Variants in ERBB4 observed in about 807,000 individuals in gnomAD.
The protein encoded by ERBB4 is receptor tyrosine-protein kinase erbB-4.
ERBB4 carries 42 observed loss-of-function variants against 158.0 expected under a neutral mutation model. That is an observed-to-expected ratio of 0.27 (90% CI 0.21 to 0.34). ERBB4 has a LOEUF of 0.34. ERBB4 is among the 10% of genes least tolerant of loss of function. The pLI, the probability that ERBB4 is intolerant of heterozygous loss-of-function variation, is 1.00. For missense variants in ERBB4, 1,333 were observed against 1,624.1 expected, an observed-to-expected ratio of 0.82 and a Z score of 3.08; for synonymous variants, 583 against 558.7, an observed-to-expected ratio of 1.04 and a Z score of -0.61.
intron 20 of ERBB4, among the ~76,000 whole-genome samples, chr2:211,524,702 A>G (rs1316124752): frequency 7.2e-6 from 1 of 139,772 alleles, no homozygotes. Context: ...GCCCACCCGG[A>G]ACTCCAGCTG....
chr2:212,345,294 C>A (rs2088943848), intron 1 of ERBB4, among the ~76,000 whole-genome samples: 1 of 110,800 alleles, frequency 9.0e-6, no homozygotes, highest in Admixed American at 9.0e-5. Context: ...AACACATTGC[C>A]TAGCATGTAG....
chr2:212,308,371 T>C lies in ERBB4; in HGVS notation c.83-183468A>G, dbSNP rs377265141. On this transcript the variant is annotated intron_variant, in intron 1 of 27. Transcript: ENST00000342788. ...TGTATAACACTTCATATTATTTAGA[T>C]ACTAGTTATAAATGAATGAGTCTGA... is the stretch of plus-strand genomic sequence containing the variant. Among the ~76,000 whole-genome samples the C allele has an allele frequency of 6.0e-5, 9 of 151,250 alleles. No homozygotes were observed. In the South Asian group the frequency reaches 1.0e-3, roughly 17 times the overall value.
intron 1 of ERBB4, among the ~76,000 whole-genome samples, chr2:212,440,609 A>T (rs73079457): frequency 0.016 from 2,467 of 152,276 alleles, 72 homozygotes; most frequent in African/African-American, 0.056. Flanking sequence ...TTCTTTCATC[A>T]GTTTTGGGGT....
intron 1 of ERBB4, among the ~76,000 whole-genome samples, chr2:212,421,667 A>G (rs2091795670): frequency 1.3e-5 from 2 of 152,214 alleles, no homozygotes; most frequent in African/African-American, 4.8e-5. Context: ...TAAGTGGAAG[A>G]AGATGGAAGA....
intron 6 of ERBB4, among the ~76,000 whole-genome samples, chr2:211,723,480 TA>T (rs2074168413): frequency 6.6e-6 from 1 of 152,202 alleles, no homozygotes; most frequent in South Asian, 2.1e-4. Context: ...TGGTTATTAA[TA>T]AGCATTAATT....
intron 16 of ERBB4, among the ~76,000 whole-genome samples, chr2:211,652,544 TATC>T (rs1260390317): frequency 1.3e-5 from 2 of 152,180 alleles, no homozygotes; most frequent in Non-Finnish European, 2.9e-5. Context: ...AAGAATATCA[TATC>T]ATCTCTCTCA....
chr2:211,830,395 G>A (rs2077193863), intron 3 of ERBB4, among the ~76,000 whole-genome samples: 1 of 151,822 alleles, frequency 6.6e-6, no homozygotes, highest in Non-Finnish European at 1.5e-5. Context: ...ATAACTAATG[G>A]GCTCTTTCCT....
At chr2:212,443,950 T>C (rs1442688341) in intron 1 of ERBB4, among the ~76,000 whole-genome samples, 1 of 152,194 alleles carries the variant, frequency 6.6e-6, no homozygotes, top group Non-Finnish European at 1.5e-5. Flanking sequence ...CTGGGTGCTT[T>C]CTGACCCATC....
At chr2:212,354,965 G>T (rs926213035) in intron 1 of ERBB4, among the ~76,000 whole-genome samples, 10 of 151,884 alleles carry the variant, frequency 6.6e-5, no homozygotes, top group African/African-American at 2.4e-4. Flanking sequence ...TAAGGCCCAA[G>T]TCCCTGTCCT....
chr2:211,547,312 G>T (rs1171747330), intron 20 of ERBB4, among the ~76,000 whole-genome samples: 1 of 152,098 alleles, frequency 6.6e-6, no homozygotes, highest in Non-Finnish European at 1.5e-5. Context: ...GTGGAAGTAA[G>T]TTAATCTGTG....
At position 212,439,838 on chromosome 2, in the gene ERBB4, T is replaced by C. The variant is rs148516138; in HGVS notation, c.82+98611A>G. On this transcript the variant is annotated intron_variant, in intron 1 of 27. Transcript: ENST00000342788. ...AAAAATATAAGAAGCCCTGTATAAATGGCCCTGAAATTTATTAAAAATGAG... is the reference window on the plus strand; with the variant it reads ...AAAAATATAAGAAGCCCTGTATAAACGGCCCTGAAATTTATTAAAAATGAG... Among the ~76,000 whole-genome samples, 68 of 152,192 alleles carry C rather than the reference T, an allele frequency of 4.5e-4. No individual in the cohort carries two copies. The East Asian group carries it at 0.013, about 28-fold the overall frequency.
At chr2:212,048,011 AGACTTC>A (rs1312948321) in intron 2 of ERBB4, among the ~76,000 whole-genome samples, 1 of 152,160 alleles carries the variant, frequency 6.6e-6, no homozygotes, top group Non-Finnish European at 1.5e-5. Context: ...TGTTCATGAG[AGACTTC>A]GTTGGGGTAT....
intron 4 of ERBB4, among the ~76,000 whole-genome samples, chr2:211,780,022 A>T (rs1210614998): frequency 6.6e-6 from 1 of 152,128 alleles, no homozygotes; most frequent in Non-Finnish European, 1.5e-5. Flanking sequence ...TTATACACAC[A>T]CACACAATTT....
chr2:211,655,811 C>T (rs528505932), intron 16 of ERBB4, among the ~76,000 whole-genome samples: 2 of 152,170 alleles, frequency 1.3e-5, no homozygotes, highest in African/African-American at 4.8e-5. Context: ...TTACCTTGCT[C>T]GAAATAACTA....
chr2:212,060,150 A>G (rs1377034479), intron 2 of ERBB4, among the ~76,000 whole-genome samples: 2 of 152,244 alleles, frequency 1.3e-5, no homozygotes, highest in African/African-American at 2.4e-5. Context: ...TGGGCAAAGG[A>G]TATGAACAGA....
intron 1 of ERBB4, among the ~76,000 whole-genome samples, chr2:212,140,329 C>A (rs2080411789): frequency 6.7e-6 from 1 of 148,348 alleles, no homozygotes; most frequent in South Asian, 2.1e-4. Flanking sequence ...TTTCTCTGAT[C>A]AATAGATTTC....
At chr2:212,237,188 C>T (rs1238681752) in intron 1 of ERBB4, among the ~76,000 whole-genome samples, 1 of 152,196 alleles carries the variant, frequency 6.6e-6, no homozygotes, top group Non-Finnish European at 1.5e-5. Flanking sequence ...CCTTTCTGCG[C>T]TAGTTTTTCC....
chr2:211,407,821 A>AAACAC (rs145979509), intron 25 of ERBB4, among the ~76,000 whole-genome samples: 6 of 152,346 alleles, frequency 3.9e-5, no homozygotes, highest in Non-Finnish European at 8.8e-5. Context: ...AAAGGGACTG[A>AAACAC]AACACAAGAT....
intron 19 of ERBB4, among the ~76,000 whole-genome samples, chr2:211,599,875 G>A (rs1035646071): frequency 3.3e-5 from 5 of 151,944 alleles, no homozygotes; most frequent in Non-Finnish European, 7.4e-5. Context: ...CAATCTAGTG[G>A]GTATTTTCTT....
Sources: gnomAD v4.1 joint callset for allele counts (sites outside exome capture counted in the v4.1 genomes callset) on GRCh38, gnomAD v4.1.1 for gene constraint, MANE v1.5 for transcripts, NCBI Gene and HGNC (gene_info 2026-07-23, HGNC 2026-07-21) for gene names.